WSCD2: variants seen among roughly 807,000 people sequenced by gnomAD.
WSCD2 encodes the protein WSC domain sialate O sulfotransferase 2, also known as sialate:O-sulfotransferase 2.
WSCD2 carries 28 observed loss-of-function variants against 55.7 expected under a neutral mutation model. The observed-to-expected ratio is 0.50, with a 90% CI of 0.37 to 0.69. WSCD2 has a LOEUF of 0.69. WSCD2 is among the 30% of genes least tolerant of loss of function. The pLI is 0.00. For synonymous variants in WSCD2, 301 were observed against 301.9 expected (o/e 1.00, Z 0.03); for missense variants, 616 against 762.1 (o/e 0.81, Z 2.26).
At chr12:108,162,059 A>G (rs1298317165) in intron 1 of WSCD2, among the ~76,000 whole-genome samples, 2 of 152,160 alleles carry the variant, frequency 1.3e-5, no homozygotes, top group South Asian at 4.2e-4. Flanking sequence ...TCGCTTGCCC[A>G]ACATTGCACA....
chr12:108,139,026 G>A (rs114444308), intron 1 of WSCD2, among the ~76,000 whole-genome samples: 56 of 152,300 alleles, frequency 3.7e-4, no homozygotes, highest in African/African-American at 1.1e-3. Flanking sequence ...CATAGTAGAC[G>A]CTCAATGTTT....
chr12:108,233,171 T>A (rs544794946), intron 7 of WSCD2: 36 of 318,118 alleles, frequency 1.1e-4, no homozygotes, highest in Non-Finnish European at 1.8e-4. Context: ...CTTTCCTCCA[T>A]TTAGGTTACA....
intron 1 of WSCD2, among the ~76,000 whole-genome samples, chr12:108,155,424 A>T (rs951253996): frequency 1.3e-5 from 2 of 152,208 alleles, no homozygotes; most frequent in Non-Finnish European, 2.9e-5. Context: ...TAAGCCTAGA[A>T]TAAGGACACG....
intron 1 of WSCD2, among the ~76,000 whole-genome samples, chr12:108,151,575 G>C (rs1475275557): frequency 1.3e-5 from 2 of 152,170 alleles, no homozygotes; most frequent in Non-Finnish European, 2.9e-5. Context: ...TGTTCAGAGG[G>C]GAAGGGACTC....
intron 1 of WSCD2, among the ~76,000 whole-genome samples, chr12:108,140,217 G>A (rs892830843): frequency 1.1e-4 from 16 of 152,158 alleles, no homozygotes; most frequent in African/African-American, 3.6e-4. Context: ...CTTCGCCTCC[G>A]TTTCCTCGTT....
intron 1 of WSCD2, chr12:108,149,964 G>C (rs1040290392): frequency 2.0e-5 from 3 of 152,094 alleles, no homozygotes; most frequent in Non-Finnish European, 4.4e-5. Context: ...CAGTGAGGTC[G>C]GGCAATTTGA....
At chr12:108,149,790 C>T (rs1877780332) in intron 1 of WSCD2, 1 of 152,172 alleles carries the variant, frequency 6.6e-6, no homozygotes, top group Non-Finnish European at 1.5e-5. Flanking sequence ...GTTCCTATCC[C>T]CTGGCTCTTA....
intron 1 of WSCD2, among the ~76,000 whole-genome samples, chr12:108,135,888 A>C (rs1876154017): frequency 1.3e-5 from 2 of 152,260 alleles, no homozygotes; most frequent in Admixed American, 6.5e-5. Flanking sequence ...GCTGCTGTCA[A>C]GCTACAACAG....
chr12:108,223,675 G>T (rs1887771021), intron 4 of WSCD2, among the ~76,000 whole-genome samples: 1 of 152,182 alleles, frequency 6.6e-6, no homozygotes, highest in African/African-American at 2.4e-5. Flanking sequence ...TGTTGGTGGT[G>T]ATCAATGGCT....
At chr12:108,175,527 C>T (rs4964649) in intron 1 of WSCD2, among the ~76,000 whole-genome samples, 94,182 of 152,236 alleles carry the variant, frequency 0.62, 32,110 homozygotes, top group East Asian at 0.91. Context: ...TTTATGTAAA[C>T]ACAGCAGGGG....
chr12:108,237,945 TCC>T (rs1889399424), intron 7 of WSCD2, among the ~76,000 whole-genome samples: 1 of 152,250 alleles, frequency 6.6e-6, no homozygotes, highest in Non-Finnish European at 1.5e-5. Flanking sequence ...CAATTTATTT[TCC>T]TTGTTAAGAA....
intron 2 of WSCD2, among the ~76,000 whole-genome samples, chr12:108,201,869 G>A (rs993228629): frequency 1.3e-5 from 2 of 152,190 alleles, no homozygotes; most frequent in African/African-American, 4.8e-5. Context: ...GCCACCAGGA[G>A]GGTTCTTTTC....
chr12:108,248,734 G>A lies in WSCD2; in HGVS notation c.*391G>A, dbSNP rs1423282756. ...CAAGGCTCTTGATGCAAGAGCCCAG[G>A]GGGCTATTGTAAAAACTTGGCCCCA... is the stretch of plus-strand genomic sequence containing the variant. On this transcript the variant is annotated 3_prime_UTR_variant, in exon 9 of 9. Transcript: ENST00000547525. The surrounding 1 kb of genome is among the most constrained non-coding windows in gnomAD (Gnocchi z 4.3). 6.0e-6 allele frequency: 6 copies of A among 1,004,774 alleles called. No individual in the cohort carries two copies. Among genetic ancestry groups the A allele is most frequent in the Non-Finnish European group, 5.9e-6 (5 of 840,612 alleles). The allele number at this position is 1,004,774 out of a possible 1,614,324, so 62.2% of individuals were successfully genotyped here.
chr12:108,184,642 G>GC (rs1390703508), intron 1 of WSCD2, among the ~76,000 whole-genome samples: 1 of 152,134 alleles, frequency 6.6e-6, no homozygotes, highest in Non-Finnish European at 1.5e-5. Flanking sequence ...GCCTCTCTGA[G>GC]CCCCCGGGTT....
At chr12:108,130,173 C>T (rs1320742470) in intron 1 of WSCD2, among the ~76,000 whole-genome samples, 1 of 152,208 alleles carries the variant, frequency 6.6e-6, no homozygotes. Flanking sequence ...TCCAGGCATC[C>T]TTCCTCTGGG....
chr12:108,206,504 G>C lies in WSCD2; in HGVS notation c.497+101G>C, dbSNP rs887146545. The stretch of plus-strand genomic sequence containing the variant: ...CTGCTATGGGAGGGTGTGTTGAAGG[G>C]TGAGCACGTGACCACAGGAAAGGTT... On this transcript the variant is annotated intron_variant, in intron 3 of 8. Coordinates refer to ENST00000547525, the MANE Select transcript of WSCD2 (RefSeq NM_014653.4). 3.9e-5 allele frequency: 45 copies of C among 1,141,496 alleles called. 1 individual carries two copies. The African/African-American group carries it at 4.2e-4, about 11-fold the overall frequency. The allele number at this position is 1,141,496 out of a possible 1,614,324, so 70.7% of individuals were successfully genotyped here. A position where few individuals can be genotyped will look rare whatever the true frequency, so the allele number is the denominator to read the frequency against.
rs1442739115 is a variant in WSCD2, at chr12:108,210,255, A to G, written c.632A>G (p.Asn211Ser). Residue 211 changes from asparagine (N) to serine (S), a missense_variant, in exon 4 of 9, where the codon AAC (asparagine) becomes AGC (serine). Asn to Ser is a conservative substitution (Grantham distance 46, BLOSUM62 1). Transcript: ENST00000547525. The surrounding 1 kb of genome is among the most constrained non-coding windows in gnomAD (Gnocchi z 4.3). The stretch of plus-strand genomic sequence containing the variant: ...CGAGGCAGCGTGTGCGGCGGCGCCA[A>G]CCGCCTCTCTGTCTACCGGCTGCAG... ...GERGSVCGGANRLSVYRLQLA... is the reference protein window; with the variant it reads ...GERGSVCGGASRLSVYRLQLA... 2 of 1,589,144 alleles carry G rather than the reference A, an allele frequency of 1.3e-6. No individual in the cohort carries two copies. The highest frequency in any genetic ancestry group is 1.7e-6 in the Non-Finnish European group (2 of 1,164,510).
At chr12:108,219,731 T>C (rs1380390353) in intron 4 of WSCD2, among the ~76,000 whole-genome samples, 2 of 152,224 alleles carry the variant, frequency 1.3e-5, no homozygotes, top group African/African-American at 4.8e-5. Flanking sequence ...GGATAAGAGC[T>C]GGTGGGCTTG....
chr12:108,166,690 G>A (rs887493440), intron 1 of WSCD2, among the ~76,000 whole-genome samples: 1 of 150,490 alleles, frequency 6.6e-6, no homozygotes, highest in Admixed American at 6.6e-5. Context: ...TTCACTATTT[G>A]CTGCATTTTT....
Sources: gnomAD v4.1 joint callset for allele counts (sites outside exome capture counted in the v4.1 genomes callset) on GRCh38, gnomAD v4.1.1 for gene constraint, Gnocchi (gnomAD v3.1) non-coding constraint, MANE v1.5 for transcripts, NCBI Gene and HGNC (gene_info 2026-07-23, HGNC 2026-07-21) for gene names.